Variants in NOS1AP observed in about 807,000 individuals in gnomAD.
NOS1AP encodes nitric oxide synthase 1 adaptor protein, also known as carboxyl-terminal PDZ ligand of neuronal nitric oxide synthase protein.
A neutral mutation model predicts 56.2 loss-of-function variants in NOS1AP; 21 were observed. The observed-to-expected ratio is 0.37, with a 90% confidence interval of 0.26 to 0.54. The LOEUF (loss-of-function observed/expected upper bound fraction) is 0.54, where lower values mean the gene tolerates loss of function less well. NOS1AP is among the 20% of genes least tolerant of loss of function. NOS1AP has a pLI of 0.84. For synonymous variants in NOS1AP, 270 were observed against 274.6 expected (o/e 0.98, Z 0.17); for missense variants, 522 against 657.8 (o/e 0.79, Z 2.26).
intron 2 of NOS1AP, among the ~76,000 whole-genome samples, chr1:162,162,165 T>C (rs2102111240): frequency 6.6e-6 from 1 of 152,378 alleles, no homozygotes; most frequent in African/African-American, 2.4e-5. Flanking sequence ...TTCACAGCTG[T>C]GTTTGTCTAC....
intron 2 of NOS1AP, among the ~76,000 whole-genome samples, chr1:162,187,209 C>T (rs1651465106): frequency 6.6e-6 from 1 of 152,118 alleles, no homozygotes; most frequent in South Asian, 2.1e-4. Context: ...TCAAGTGATC[C>T]ACCCGCCTAG....
intron 2 of NOS1AP, among the ~76,000 whole-genome samples, chr1:162,190,248 C>T (rs1651576704): frequency 1.3e-5 from 2 of 152,226 alleles, no homozygotes; most frequent in African/African-American, 4.8e-5. Flanking sequence ...AGATACTTGG[C>T]TCCGCCATCT....
intron 9 of NOS1AP, among the ~76,000 whole-genome samples, chr1:162,366,487 G>A (rs1175345237): frequency 6.6e-6 from 1 of 152,106 alleles, no homozygotes; most frequent in Non-Finnish European, 1.5e-5. Context: ...CTATACCAGT[G>A]GTTCCCCCAA....
At chr1:162,234,561 G>A (rs1175693405) in intron 2 of NOS1AP, among the ~76,000 whole-genome samples, 6 of 152,034 alleles carry the variant, frequency 3.9e-5, no homozygotes, top group South Asian at 2.1e-4. Flanking sequence ...TTCCTCCCAC[G>A]TGGAGCCAAT....
chr1:162,309,154 T>A (rs1000886909), intron 4 of NOS1AP, among the ~76,000 whole-genome samples: 2 of 152,246 alleles, frequency 1.3e-5, no homozygotes, highest in African/African-American at 4.8e-5. Flanking sequence ...ATATTTGGGA[T>A]TTCTTGGGAA....
At chr1:162,344,697 C>A (rs544962047) in intron 6 of NOS1AP, among the ~76,000 whole-genome samples, 1 of 135,688 alleles carries the variant, frequency 7.4e-6, no homozygotes, top group South Asian at 2.6e-4. Flanking sequence ...GGCTACAGAG[C>A]TAGGCTGCCT....
At chr1:162,175,528 T>C (rs935451837) in intron 2 of NOS1AP, among the ~76,000 whole-genome samples, 7 of 152,176 alleles carry the variant, frequency 4.6e-5, no homozygotes, top group African/African-American at 1.7e-4. Context: ...TCCAGGCTCA[T>C]CTGGTGTATT....
chr1:162,155,508 C>T lies in NOS1AP; in HGVS notation c.177+1032C>T, dbSNP rs182855935. ...TAAGATTTACTTGGATTTTTAAGAG[C>T]AAATGTGAGATTTGAACAAAATTTT... On this transcript the variant is annotated intron_variant, in intron 2 of 9. Coordinates refer to ENST00000361897, the MANE Select transcript of NOS1AP (RefSeq NM_014697.3). Among the ~76,000 whole-genome samples the T allele has an allele frequency of 1.8e-4, 27 of 150,544 alleles. 2 individuals are homozygous for T. The highest frequency in any genetic ancestry group is 1.4e-3 in the East Asian group (7 of 5,070).
chr1:162,177,932 G>T (rs1328228592), intron 2 of NOS1AP, among the ~76,000 whole-genome samples: 2 of 152,160 alleles, frequency 1.3e-5, no homozygotes, highest in Non-Finnish European at 2.9e-5. Flanking sequence ...TTAATGACAT[G>T]TATCTACCAT....
intron 6 of NOS1AP, among the ~76,000 whole-genome samples, chr1:162,349,767 C>T (rs376952624): frequency 2.6e-5 from 4 of 152,310 alleles, no homozygotes; most frequent in East Asian, 1.9e-4. Flanking sequence ...CAAGGCCTCT[C>T]CAGTACTGAT....
At chr1:162,158,984 A>T (rs1337501590) in intron 2 of NOS1AP, among the ~76,000 whole-genome samples, 2 of 152,204 alleles carry the variant, frequency 1.3e-5, no homozygotes, top group Non-Finnish European at 2.9e-5. Context: ...TTTTCAGGGA[A>T]GTTCTCCTTG....
chr1:162,138,139 C>G (rs1649083485), intron 1 of NOS1AP, among the ~76,000 whole-genome samples: 2 of 152,122 alleles, frequency 1.3e-5, no homozygotes, highest in Non-Finnish European at 2.9e-5. Flanking sequence ...TAGCCAATTG[C>G]CTCAAAACCT....
chr1:162,114,233 A>C (rs1343299509), intron 1 of NOS1AP, among the ~76,000 whole-genome samples: 3 of 152,148 alleles, frequency 2.0e-5, no homozygotes, highest in Non-Finnish European at 4.4e-5. Context: ...GGGTTCAACC[A>C]AAGACGAATA....
chr1:162,141,162 A>G (rs151280383), intron 1 of NOS1AP, among the ~76,000 whole-genome samples: 1 of 152,040 alleles, frequency 6.6e-6, no homozygotes, highest in African/African-American at 2.4e-5. Context: ...AATGTGAAAT[A>G]CTAGGTGCTT....
chr1:162,281,969 AGGT>A (rs1654947261), intron 2 of NOS1AP, among the ~76,000 whole-genome samples: 6 of 152,186 alleles, frequency 3.9e-5, no homozygotes, highest in Non-Finnish European at 8.8e-5. Flanking sequence ...GCATGGTGGC[AGGT>A]GCCTGTAATC....
intron 3 of NOS1AP, among the ~76,000 whole-genome samples, chr1:162,290,098 C>T (rs11802623): frequency 0.39 from 59,450 of 152,078 alleles, 14,862 homozygotes; most frequent in Non-Finnish European, 0.56. Flanking sequence ...TGAGGGAGTG[C>T]ATGGGACCTC....
Position 162,201,170 on chromosome 1 carries a change from G to C in NOS1AP, c.177+46694G>C, listed in dbSNP as rs566342605. Among the ~76,000 whole-genome samples the C allele has an allele frequency of 4.6e-5, 7 of 152,220 alleles. No individual in the cohort carries two copies. In the East Asian group the frequency reaches 1.2e-3, roughly 25 times the overall value. ...GAGAACATGTGATATTTGATTTTCT[G>C]TTCCTGTGTTTGTTTGCTAAGGATA... is the stretch of plus-strand genomic sequence containing the variant. On this transcript the variant is annotated intron_variant, in intron 2 of 9. Coordinates refer to ENST00000361897, the MANE Select transcript of NOS1AP (RefSeq NM_014697.3).
intron 6 of NOS1AP, among the ~76,000 whole-genome samples, chr1:162,353,922 G>A (rs1657605920): frequency 6.6e-6 from 1 of 152,194 alleles, no homozygotes; most frequent in South Asian, 2.1e-4. Flanking sequence ...AGGGGCAGAA[G>A]AGCTTCCCCT....
At chr1:162,281,415 A>G (rs1487770494) in intron 2 of NOS1AP, among the ~76,000 whole-genome samples, 1 of 152,192 alleles carries the variant, frequency 6.6e-6, no homozygotes, top group Non-Finnish European at 1.5e-5. Flanking sequence ...TGTATCAGTC[A>G]TATTTCTTGC....
Sources: allele counts gnomAD v4.1 joint callset (sites outside exome capture counted in the v4.1 genomes callset), GRCh38; gene constraint gnomAD v4.1.1; transcripts MANE v1.5; gene names NCBI Gene and HGNC (gene_info 2026-07-23, HGNC 2026-07-21).